The following CDKAL1 variants were observed in gnomAD, a reference collection of about 807,000 sequenced individuals.
CDKAL1 encodes the protein threonylcarbamoyladenosine tRNA methylthiotransferase.
A neutral mutation model predicts 68.2 loss-of-function variants in CDKAL1; 32 were observed. The ratio of observed to expected loss-of-function variants is 0.47; its 90% CI spans 0.35 to 0.63. The LOEUF (loss-of-function observed/expected upper bound fraction) is 0.63, where lower values mean the gene tolerates loss of function less well. CDKAL1 is among the 30% of genes least tolerant of loss of function. CDKAL1 has a pLI of 0.00. For synonymous variants in CDKAL1, 234 were observed against 244.3 expected (o/e 0.96, Z 0.39); for missense variants, 606 against 696.7 (o/e 0.87, Z 1.47).
chr6:20,913,116 T>TACACACAC (rs70990080), intron 9 of CDKAL1, among the ~76,000 whole-genome samples: 3,726 of 136,422 alleles, frequency 0.027, 84 homozygotes, highest in African/African-American at 0.06. Context: ...CACAGTTGTT[T>TACACACAC]ACACACACAC....
At chr6:21,116,498 T>C (rs1774421365) in intron 13 of CDKAL1, among the ~76,000 whole-genome samples, 1 of 152,162 alleles carries the variant, frequency 6.6e-6, no homozygotes, top group Non-Finnish European at 1.5e-5. Flanking sequence ...CAGAGCAGTA[T>C]ACGTGGAGAT....
At chr6:20,544,672 A>G (rs1763525647) in intron 2 of CDKAL1, among the ~76,000 whole-genome samples, 1 of 151,190 alleles carries the variant, frequency 6.6e-6, no homozygotes, top group Non-Finnish European at 1.5e-5. Flanking sequence ...TGTTTTAAAT[A>G]TATTAGTTTC....
At chr6:20,620,081 A>G (rs964443664) in intron 4 of CDKAL1, among the ~76,000 whole-genome samples, 1 of 152,190 alleles carries the variant, frequency 6.6e-6, no homozygotes, top group Non-Finnish European at 1.5e-5. Context: ...TTCTTCCCGT[A>G]GATTCTCAGT....
At chr6:20,670,506 G>A (rs1194489360) in intron 5 of CDKAL1, among the ~76,000 whole-genome samples, 1 of 152,128 alleles carries the variant, frequency 6.6e-6, no homozygotes, top group Non-Finnish European at 1.5e-5. Context: ...TCTCCCATTA[G>A]CTTTTGACTT....
At chr6:21,223,083 G>A (rs16884709) in intron 15 of CDKAL1, among the ~76,000 whole-genome samples, 8,090 of 152,228 alleles carry the variant, frequency 0.053, 571 homozygotes, top group African/African-American at 0.17. Flanking sequence ...AATGGCCTCT[G>A]TAGGGAAACT....
chr6:21,092,734 T>TAC (rs1773106958), intron 12 of CDKAL1, among the ~76,000 whole-genome samples: 2 of 133,432 alleles, frequency 1.5e-5, no homozygotes, highest in Admixed American at 7.3e-5. Context: ...GACGAAAACT[T>TAC]AAAAAAAAAA....
chr6:20,868,362 A>G (rs1343366913), intron 9 of CDKAL1, among the ~76,000 whole-genome samples: 1 of 152,164 alleles, frequency 6.6e-6, no homozygotes, highest in African/African-American at 2.4e-5. Flanking sequence ...CTCTCTTTGT[A>G]CTTCATCATT....
At chr6:20,598,136 A>G (rs1218591130) in intron 4 of CDKAL1, among the ~76,000 whole-genome samples, 1 of 152,202 alleles carries the variant, frequency 6.6e-6, no homozygotes, top group African/African-American at 2.4e-5. Flanking sequence ...TTCATTTTAT[A>G]GTGATGGCAT....
At chr6:21,120,201 G>A (rs1774636655) in intron 13 of CDKAL1, among the ~76,000 whole-genome samples, 2 of 152,210 alleles carry the variant, frequency 1.3e-5, no homozygotes, top group Admixed American at 1.3e-4. Context: ...AATCCATTGG[G>A]GCAGGGGCCC....
At chr6:20,837,226 C>A (rs951478035) in intron 8 of CDKAL1, among the ~76,000 whole-genome samples, 2 of 152,108 alleles carry the variant, frequency 1.3e-5, no homozygotes, top group Admixed American at 1.3e-4. Context: ...AGTTTTTTCC[C>A]ACACAGGTTA....
chr6:20,899,943 G>A (rs1397425230), intron 9 of CDKAL1, among the ~76,000 whole-genome samples: 1 of 152,152 alleles, frequency 6.6e-6, no homozygotes, highest in African/African-American at 2.4e-5. Context: ...GGATCTAAGC[G>A]ATCTGACCAA....
chr6:20,613,288 T>G (rs1311874226), intron 4 of CDKAL1, among the ~76,000 whole-genome samples: 1 of 84,860 alleles, frequency 1.2e-5, no homozygotes, highest in Non-Finnish European at 2.2e-5. Context: ...TTTTTTTTTT[T>G]TTTTGAGACG....
chr6:21,166,634 A>T (rs1777166518), intron 13 of CDKAL1, among the ~76,000 whole-genome samples: 1 of 152,204 alleles, frequency 6.6e-6, no homozygotes, highest in Non-Finnish European at 1.5e-5. Flanking sequence ...CTATTAAAAA[A>T]ACTTCAGTGG....
intron 9 of CDKAL1, among the ~76,000 whole-genome samples, chr6:20,885,396 G>T (rs984037774): frequency 1.3e-5 from 2 of 152,116 alleles, no homozygotes; most frequent in African/African-American, 2.4e-5. Context: ...TTTGACCAGG[G>T]AACCACATTT....
intron 5 of CDKAL1, among the ~76,000 whole-genome samples, chr6:20,664,170 T>G (rs970037166): frequency 5.3e-5 from 8 of 152,204 alleles, no homozygotes; most frequent in Non-Finnish European, 1.5e-5. Flanking sequence ...ACACAGAAAC[T>G]GTCGAGAACT....
At chr6:21,161,905 A>G (rs1776944080) in intron 13 of CDKAL1, among the ~76,000 whole-genome samples, 1 of 152,230 alleles carries the variant, frequency 6.6e-6, no homozygotes, top group Non-Finnish European at 1.5e-5. Context: ...CTGTGGTGCA[A>G]AGGAAAGGCA....
rs6931316 is a variant in CDKAL1 at position 21,158,042 on chromosome 6, C to T, written c.1300-39979C>T. On this transcript the variant is annotated intron_variant, in intron 13 of 15. Coordinates refer to ENST00000274695, the MANE Select transcript of CDKAL1 (RefSeq NM_017774.3). ...ATTTGTTTTTCTTTCTGGCTTTCCT[C>T]TCTGTTATTAGGCCAACAGACAAGT... 4.5e-4 allele frequency among the ~76,000 whole-genome samples: 68 copies of T among 152,128 alleles called. 1 individual carries two copies. Among genetic ancestry groups the T allele is most frequent in the Non-Finnish European group, 6.3e-4 (43 of 68,010 alleles).
intron 4 of CDKAL1, among the ~76,000 whole-genome samples, chr6:20,640,214 G>A (rs1009804059): frequency 1.3e-5 from 2 of 152,122 alleles, no homozygotes; most frequent in African/African-American, 4.8e-5. Context: ...CAATCAAACT[G>A]TTTTCTCTCT....
At chr6:21,006,712 T>G (rs1443539698) in intron 11 of CDKAL1, among the ~76,000 whole-genome samples, 1 of 152,220 alleles carries the variant, frequency 6.6e-6, no homozygotes, top group Non-Finnish European at 1.5e-5. Flanking sequence ...TATGACACAA[T>G]GTGCTAAATA....
Sources: allele counts gnomAD v4.1 joint callset (sites outside exome capture counted in the v4.1 genomes callset), GRCh38; gene constraint gnomAD v4.1.1; transcripts MANE v1.5; gene names NCBI Gene and HGNC (gene_info 2026-07-23, HGNC 2026-07-21).